The following SLC4A10 variants were observed in gnomAD, a reference collection of about 807,000 sequenced individuals.
SLC4A10 encodes the protein sodium-driven chloride bicarbonate exchanger.
In SLC4A10, 42 loss-of-function variants were observed where a neutral mutation model predicts 137.7. The ratio of observed to expected loss-of-function variants is 0.30; its 90% confidence interval spans 0.24 to 0.39. SLC4A10 has a LOEUF of 0.39. Ranked by LOEUF, SLC4A10 falls within the 10% of genes least tolerant of loss-of-function variation. SLC4A10 has a pLI of 1.00. For synonymous variants in SLC4A10, 474 were observed against 464.1 expected, an observed-to-expected ratio of 1.02 and a Z score of -0.27; for missense variants, 925 against 1,355.0, an observed-to-expected ratio of 0.68 and a Z score of 4.98.
chr2:161,871,877 T>C (rs2061149751), intron 6 of SLC4A10, among the ~76,000 whole-genome samples: 1 of 152,122 alleles, frequency 6.6e-6, no homozygotes, highest in Admixed American at 6.5e-5. Context: ...CAGATAAATA[T>C]CCGTCCTTTT....
chr2:161,739,866 G>A (rs2047708065), intron 1 of SLC4A10, among the ~76,000 whole-genome samples: 1 of 152,136 alleles, frequency 6.6e-6, no homozygotes, highest in African/African-American at 2.4e-5. Context: ...CCTGCTGATA[G>A]CTGCTTGACT....
chr2:161,722,124 C>G (rs528172116), intron 1 of SLC4A10, among the ~76,000 whole-genome samples: 1 of 152,176 alleles, frequency 6.6e-6, no homozygotes, highest in Non-Finnish European at 1.5e-5. Flanking sequence ...TGGGTTAGAA[C>G]GTACTCCTTT....
intron 3 of SLC4A10, among the ~76,000 whole-genome samples, chr2:161,824,901 T>C (rs1172385754): frequency 6.6e-6 from 1 of 152,170 alleles, no homozygotes; most frequent in Non-Finnish European, 1.5e-5. Context: ...CTTTTCTGCC[T>C]CTGCCACTCC....
At chr2:161,903,954 T>C (rs759305670) in intron 12 of SLC4A10, 50 bp from the exon 13 acceptor site, 2 of 1,503,242 alleles carry the variant, frequency 1.3e-6, no homozygotes, top group African/African-American at 1.4e-5. Flanking sequence ...TTTTGACTTG[T>C]GTGTTTTTTA....
chr2:161,929,494 TC>T (rs1270343308), intron 15 of SLC4A10, among the ~76,000 whole-genome samples: 1 of 152,204 alleles, frequency 6.6e-6, no homozygotes, highest in Non-Finnish European at 1.5e-5. Flanking sequence ...TATGGCAGTT[TC>T]AACAAGTCAC....
At chr2:161,821,477 A>G (rs1488427221) in intron 3 of SLC4A10, among the ~76,000 whole-genome samples, 1 of 152,196 alleles carries the variant, frequency 6.6e-6, no homozygotes, top group African/African-American at 2.4e-5. Context: ...TAACTTAGAC[A>G]ATTCTGCCAG....
chr2:161,900,385 G>T (rs935912633), intron 11 of SLC4A10, among the ~76,000 whole-genome samples: 1 of 152,016 alleles, frequency 6.6e-6, no homozygotes, highest in Non-Finnish European at 1.5e-5. Flanking sequence ...AGTGATGATG[G>T]TTACTGTTCT....
chr2:161,782,577 T>C (rs2053162569), intron 2 of SLC4A10, among the ~76,000 whole-genome samples: 2 of 151,388 alleles, frequency 1.3e-5, no homozygotes, highest in Admixed American at 1.3e-4. Context: ...ATAACTGTCA[T>C]AAAGATGCTC....
At chr2:161,692,050 A>G (rs2042055310) in intron 1 of SLC4A10, among the ~76,000 whole-genome samples, 1 of 152,030 alleles carries the variant, frequency 6.6e-6, no homozygotes, top group Non-Finnish European at 1.5e-5. Context: ...ATGTAGTTTG[A>G]GAGAAGTTGG....
intron 1 of SLC4A10, among the ~76,000 whole-genome samples, chr2:161,669,915 A>G (rs531071659): frequency 3.9e-5 from 6 of 152,220 alleles, no homozygotes; most frequent in Admixed American, 1.3e-4. Context: ...AAGACTAAAG[A>G]AAACCGTGAC....
rs1181075410 is a variant in SLC4A10, at chr2:161,977,767, C to A, written c.*26+7C>A. 2 of 1,580,962 alleles carry A rather than the reference C, an allele frequency of 1.3e-6. No homozygotes were observed. The highest frequency in any genetic ancestry group is 4.6e-5 in the East Asian group (2 of 43,688). ...AGAAGCTGATTCCCCAAAGGTAAGA[C>A]CCTCTCCCTCAAATCTATTCCTTGG... On this transcript the variant is annotated splice_region_variant and intron_variant, in intron 26 of 26. Transcript: ENST00000446997.
At chr2:161,711,868 TGTG>T (rs957345719) in intron 1 of SLC4A10, among the ~76,000 whole-genome samples, 9 of 151,926 alleles carry the variant, frequency 5.9e-5, no homozygotes, top group African/African-American at 2.2e-4. Flanking sequence ...CTCAAAGAGT[TGTG>T]GTAAACATTA....
chr2:161,653,780 C>T (rs919346568), intron 1 of SLC4A10, among the ~76,000 whole-genome samples: 9 of 152,086 alleles, frequency 5.9e-5, no homozygotes, highest in East Asian at 1.9e-4. Context: ...TTTCTTTATG[C>T]GTTCATCCAT....
chr2:161,814,789 C>G, intron 3 of SLC4A10, among the ~76,000 whole-genome samples: 1 of 151,938 alleles, frequency 6.6e-6, no homozygotes, highest in Non-Finnish European at 1.5e-5. Flanking sequence ...GGGTGGGGAA[C>G]TAGGGTTAAA....
chr2:161,957,208 G>A lies in SLC4A10; in HGVS notation c.2761G>A (p.Gly921Ser), dbSNP rs758040108. 6.2e-7 allele frequency: 1 copy of A among 1,613,452 alleles called. No homozygotes were observed. The highest frequency in any genetic ancestry group is 8.5e-7 in the Non-Finnish European group (1 of 1,179,716). The change falls in exon 20 of 27, where the codon GGT (glycine) becomes AGT (serine). Residue 921 changes from glycine to serine, a missense_variant. This residue lies in a region of SLC4A10 where 115 missense variants were observed against 237.5 expected (regional missense o/e 0.48). Coordinates refer to ENST00000446997, the MANE Select transcript of SLC4A10 (RefSeq NM_001178015.2). ...VTGLMIFILM[G>S]SSVFMTSILK... is the part of the protein sequence containing the mutation. ...TGGGCTTATGATTTTTATTCTTATG[G>A]GTTCATCAGTCTTTATGACCAGTAT...
chr2:161,778,710 T>C (rs192382855), intron 2 of SLC4A10, among the ~76,000 whole-genome samples: 2 of 151,950 alleles, frequency 1.3e-5, no homozygotes, highest in African/African-American at 4.8e-5. Flanking sequence ...AAGTATAACT[T>C]TAATGAAAAA....
intron 15 of SLC4A10, among the ~76,000 whole-genome samples, chr2:161,913,033 A>G (rs77768977): frequency 1.9e-3 from 285 of 152,294 alleles, no homozygotes; most frequent in African/African-American, 6.7e-3. Context: ...CAAAGTATCA[A>G]AAACAGGAGA....
intron 19 of SLC4A10, among the ~76,000 whole-genome samples, chr2:161,951,782 A>G (rs1323743461): frequency 2.0e-5 from 3 of 152,180 alleles, no homozygotes; most frequent in African/African-American, 7.2e-5. Context: ...GGGTCAATGC[A>G]AAAGTAATTG....
chr2:161,750,968 T>C (rs2048903379), intron 1 of SLC4A10, among the ~76,000 whole-genome samples: 2 of 151,710 alleles, frequency 1.3e-5, no homozygotes, highest in Admixed American at 6.6e-5. Context: ...ATGATACAAC[T>C]TTCTGTGTAC....
Sources: allele counts gnomAD v4.1 joint callset (sites outside exome capture counted in the v4.1 genomes callset), GRCh38; gene constraint gnomAD v4.1.1; regional missense constraint gnomAD v4.1.1; transcripts MANE v1.5; gene names NCBI Gene and HGNC (gene_info 2026-07-23, HGNC 2026-07-21).